FBXW10B: variants seen among roughly 807,000 people sequenced by gnomAD.
FBXW10B encodes F-box and WD repeat domain containing 10B, also known as F-box and WD repeat domain containing protein 10B.
the FBXW10B span, among the ~76,000 whole-genome samples, chr17:15,585,670 C>G: frequency 6.6e-6 from 1 of 152,314 alleles, no homozygotes; most frequent in African/African-American, 2.4e-5. Context: ...GAAGAACTCT[C>G]TGGGGAAGCT....
the FBXW10B span, among the ~76,000 whole-genome samples, chr17:15,568,314 G>A: frequency 3.9e-5 from 6 of 151,912 alleles, no homozygotes; most frequent in African/African-American, 1.5e-4. Context: ...GCACACTTCT[G>A]TGTCTTGTGG....
chr17:15,605,314 C>G, the FBXW10B span: 1 of 1,597,210 alleles, frequency 6.3e-7, no homozygotes, highest in African/African-American at 1.4e-5. Flanking sequence ...CCTCGGAATT[C>G]AACGGGTATC....
the FBXW10B span, among the ~76,000 whole-genome samples, chr17:15,586,463 G>A: frequency 6.6e-6 from 1 of 151,508 alleles, no homozygotes; most frequent in African/African-American, 2.4e-5. Context: ...CCTCCTTAAT[G>A]CCTCAATCTA....
chr17:15,599,154 A>G, the FBXW10B span, among the ~76,000 whole-genome samples: 2 of 142,264 alleles, frequency 1.4e-5, no homozygotes, highest in Non-Finnish European at 3.0e-5. Context: ...CAGCTTGCCA[A>G]TAGAGCGAGA....
the FBXW10B span, among the ~76,000 whole-genome samples, chr17:15,614,452 C>A: frequency 6.6e-6 from 1 of 152,034 alleles, no homozygotes; most frequent in East Asian, 1.9e-4. Flanking sequence ...CCTCAGCCTG[C>A]CAAAGTGCTG....
the FBXW10B span, chr17:15,566,216 G>A: frequency 1.1e-5 from 17 of 1,612,250 alleles, no homozygotes; most frequent in Middle Eastern, 1.6e-4. Flanking sequence ...CCGGAATTAC[G>A]GGCGTGCTGC....
chr17:15,579,551 C>CT, the FBXW10B span, among the ~76,000 whole-genome samples: 65,646 of 150,976 alleles, frequency 0.43, 17,412 homozygotes, highest in Non-Finnish European at 0.6. Context: ...TTTGCATTTT[C>CT]TTTTGTTTTT....
chr17:15,594,110 A>G, the FBXW10B span, among the ~76,000 whole-genome samples: 16 of 152,116 alleles, frequency 1.1e-4, no homozygotes, highest in Non-Finnish European at 1.8e-4. Context: ...GTCTCTTGCA[A>G]TTTGATTCCT....
At chr17:15,607,561 C>A in the FBXW10B span, 532 of 1,609,788 alleles carry the variant, frequency 3.3e-4, 2 homozygotes, top group African/African-American at 6.5e-3. Flanking sequence ...CAGATTCTGA[C>A]CCCAGTACCT....
the FBXW10B span, among the ~76,000 whole-genome samples, chr17:15,599,096 A>C: frequency 6.6e-6 from 1 of 150,478 alleles, no homozygotes; most frequent in Non-Finnish European, 1.5e-5. Context: ...AATTGCTTGA[A>C]TCCGGCAGGC....
At chr17:15,585,337 A>C in the FBXW10B span, among the ~76,000 whole-genome samples, 1 of 152,176 alleles carries the variant, frequency 6.6e-6, no homozygotes, top group East Asian at 1.9e-4. Context: ...TAAAAGATAA[A>C]ATTTTTTAAA....
chr17:15,616,461 C>T, the FBXW10B span, among the ~76,000 whole-genome samples: 6 of 151,830 alleles, frequency 4.0e-5, no homozygotes, highest in East Asian at 2.0e-4. Flanking sequence ...TGAGCCACTG[C>T]GCCCAACCAG....
chr17:15,600,746 GA>G, the FBXW10B span, among the ~76,000 whole-genome samples: 1 of 152,108 alleles, frequency 6.6e-6, no homozygotes, highest in South Asian at 2.1e-4. Context: ...ATAGGCATTA[GA>G]AAAGAAGATA....
chr17:15,570,828 G>A, the FBXW10B span, among the ~76,000 whole-genome samples: 1 of 152,182 alleles, frequency 6.6e-6, no homozygotes, highest in South Asian at 2.1e-4. Context: ...AACTGGGCTC[G>A]GCAGAGGACT....
the FBXW10B span, chr17:15,573,389 G>A: frequency 4.6e-5 from 7 of 152,194 alleles, no homozygotes; most frequent in East Asian, 1.9e-4. Context: ...CTTAAAGGCG[G>A]AATGGTTTGA....
chr17:15,588,740 G>C, the FBXW10B span: 1 of 746,326 alleles, frequency 1.3e-6, no homozygotes, highest in Admixed American at 2.0e-5. Flanking sequence ...AGCCAGATCA[G>C]TGCTGCCTCT....
chr17:15,569,979 A>T, the FBXW10B span, among the ~76,000 whole-genome samples: 1 of 152,230 alleles, frequency 6.6e-6, no homozygotes, highest in East Asian at 1.9e-4. Flanking sequence ...CATTCTGGGT[A>T]TTAATGCTCT....
chr17:15,586,656 A>C, the FBXW10B span, among the ~76,000 whole-genome samples: 1 of 151,496 alleles, frequency 6.6e-6, no homozygotes, highest in Non-Finnish European at 1.5e-5. Flanking sequence ...TTGAGGAACA[A>C]ATAGGAAACA....
the FBXW10B span, among the ~76,000 whole-genome samples, chr17:15,604,868 C>G: frequency 1.3e-5 from 2 of 152,120 alleles, no homozygotes; most frequent in African/African-American, 4.8e-5. Flanking sequence ...TATTTTGCCT[C>G]TATAGTCTGT....
Sources: gnomAD v4.1 joint callset for allele counts (sites outside exome capture counted in the v4.1 genomes callset) on GRCh38, gnomAD v4.1.1 for gene constraint, MANE v1.5 for transcripts, NCBI Gene and HGNC (gene_info 2026-07-23, HGNC 2026-07-21) for gene names.